The following RTF2 variants were observed in gnomAD, a reference collection of about 807,000 sequenced individuals.
RTF2 encodes the protein replication termination factor 2, also known as UPF0549 protein C20orf43.
Under a neutral mutation model 38.0 loss-of-function variants are expected in RTF2, and 18 were observed. The ratio of observed to expected loss-of-function variants is 0.47; its 90% CI spans 0.33 to 0.70. The LOEUF is 0.70. Among genes scored for constraint, RTF2 ranks in the 30% least tolerant of loss-of-function variants. The pLI, the probability that RTF2 is intolerant of heterozygous loss-of-function variation, is 0.02. For synonymous variants in RTF2, 126 were observed against 137.1 expected (o/e 0.92, Z 0.57); for missense variants, 311 against 379.6 (o/e 0.82, Z 1.50).
At position 56,496,787 on chromosome 20, in the gene RTF2, G is replaced by A. The variant is rs1983571035; in HGVS notation, c.477+12598G>A. On this transcript the variant is annotated intron_variant, in intron 5 of 8. Coordinates refer to ENST00000357348, the MANE Select transcript of RTF2 (RefSeq NM_016407.5). ...CATAGTAAGCACTTCCAAAATAAAT[G>A]GTTAAGTTATGGGGTGGTTTGTCTT... is the stretch of plus-strand genomic sequence containing the variant. 11 of 1,552,094 alleles carry A rather than the reference G, an allele frequency of 7.1e-6. No homozygotes were observed. The East Asian group carries it at 2.7e-4, about 38-fold the overall frequency.
At chr20:56,492,982 C>A (rs144253483) in intron 5 of RTF2, among the ~76,000 whole-genome samples, 2,804 of 152,032 alleles carry the variant, frequency 0.018, 50 homozygotes, top group Middle Eastern at 0.041. Flanking sequence ...TCAAGACCAT[C>A]CTGGCCAACA....
chr20:56,505,892 G>A (rs931043819), intron 5 of RTF2, among the ~76,000 whole-genome samples: 2 of 152,022 alleles, frequency 1.3e-5, no homozygotes, highest in Non-Finnish European at 2.9e-5. Flanking sequence ...AAGGACATAC[G>A]ATATAATTTA....
At chr20:56,497,732 A>T in intron 5 of RTF2, 1 of 577,202 alleles carries the variant, frequency 1.7e-6, no homozygotes, top group South Asian at 2.0e-5. Context: ...ATTGAAATAC[A>T]CTAAACTACA....
At chr20:56,473,023 C>A (rs1982051782) in intron 1 of RTF2, among the ~76,000 whole-genome samples, 1 of 152,052 alleles carries the variant, frequency 6.6e-6, no homozygotes, top group African/African-American at 2.4e-5. Context: ...CCCAGCTACT[C>A]CAGAGGCTGA....
chr20:56,486,704 C>A (rs1982812403), intron 5 of RTF2, among the ~76,000 whole-genome samples: 2 of 151,992 alleles, frequency 1.3e-5, no homozygotes, highest in South Asian at 4.2e-4. Context: ...TAAGCAGAAA[C>A]AATGGGTAGA....
rs1983598710 is a variant in RTF2, at chr20:56,497,150, A to G, written c.477+12961A>G. On this transcript the variant is annotated intron_variant, in intron 5 of 8. Transcript: ENST00000357348. Reference sequence around the variant, plus strand: ...CAAAACAGTTAACCAAGGTTTGCACAGCAGTCTTATACTTCATTGGGGCCT... The same window carrying G: ...CAAAACAGTTAACCAAGGTTTGCACGGCAGTCTTATACTTCATTGGGGCCT... 5 of 1,551,588 alleles carry G rather than the reference A, an allele frequency of 3.2e-6. No homozygotes were observed. In the African/African-American group the frequency reaches 4.1e-5, roughly 13 times the overall value.
chr20:56,491,689 C>T (rs1395120794), intron 5 of RTF2: 33 of 1,552,094 alleles, frequency 2.1e-5, no homozygotes, highest in Non-Finnish European at 2.7e-5. Context: ...GCGGGTCTGT[C>T]GAGGGTTCGA....
chr20:56,514,832 A>C (rs185030594), intron 6 of RTF2, among the ~76,000 whole-genome samples: 2 of 152,230 alleles, frequency 1.3e-5, no homozygotes, highest in East Asian at 3.9e-4. Context: ...GAGTAGAAAT[A>C]CTCCGTGGAG....
rs1292627418 is a variant in RTF2, at chr20:56,513,340, A to C, written c.503A>C (p.Asp168Ala). The part of the protein sequence containing the change: ...HTCGAAFQED[D>A]VIMLNGTKED... ...TGTGGGGCTGCCTTCCAGGAGGATG[A>C]TGTCATCATGCTCAATGGCACCAAG... The change falls in exon 6 of 9, where the codon GAT (aspartate) becomes GCT (alanine). Residue 168 changes from aspartate (D) to alanine (A), a missense_variant. Asp to Ala is a moderately radical substitution (Grantham distance 126). Transcript: ENST00000357348. 3 of 1,605,866 alleles carry C rather than the reference A, an allele frequency of 1.9e-6. No homozygotes were observed. In the Middle Eastern group the frequency reaches 5.0e-4, roughly 265 times the overall value.
chr20:56,496,962 T>C, intron 5 of RTF2: 1 of 1,551,756 alleles, frequency 6.4e-7, no homozygotes, highest in Middle Eastern at 1.7e-4. Flanking sequence ...GTGTATGATT[T>C]CTCTGTTGGT....
chr20:56,518,054 A>C, intron 8 of RTF2, 33 bp from the exon 9 acceptor site: 1 of 1,587,768 alleles, frequency 6.3e-7, no homozygotes, highest in East Asian at 2.2e-5. Flanking sequence ...TCTTTATCCC[A>C]ACCCTGACAG....
intron 5 of RTF2, among the ~76,000 whole-genome samples, chr20:56,487,860 T>A (rs879288149): frequency 2.0e-4 from 30 of 152,228 alleles, no homozygotes; most frequent in African/African-American, 6.3e-4. Context: ...CATGTCTGTC[T>A]TTGTGTCCAC....
At chr20:56,496,706 C>T (rs1231601082) in intron 5 of RTF2, 14 of 1,551,174 alleles carry the variant, frequency 9.0e-6, no homozygotes, top group South Asian at 1.2e-5. Context: ...ACCACTGAAG[C>T]ATGTCTTTTG....
chr20:56,477,989 C>T (rs989592179), intron 4 of RTF2, among the ~76,000 whole-genome samples: 2 of 152,180 alleles, frequency 1.3e-5, no homozygotes, highest in Non-Finnish European at 2.9e-5. Flanking sequence ...ATATTTTCCT[C>T]TTTAAAAAAT....
At chr20:56,481,885 A>G (rs900186220) in intron 4 of RTF2, among the ~76,000 whole-genome samples, 1 of 152,212 alleles carries the variant, frequency 6.6e-6, no homozygotes, top group Non-Finnish European at 1.5e-5. Context: ...GAATCATACA[A>G]TATGTAACCT....
intron 8 of RTF2, among the ~76,000 whole-genome samples, chr20:56,517,779 T>A (rs1482860987): frequency 6.6e-6 from 1 of 152,168 alleles, no homozygotes; most frequent in East Asian, 1.9e-4. Flanking sequence ...CGGCTCTACA[T>A]GGGACAGCCA....
chr20:56,480,429 T>A (rs1189398067), intron 4 of RTF2, among the ~76,000 whole-genome samples: 1 of 152,246 alleles, frequency 6.6e-6, no homozygotes, highest in Non-Finnish European at 1.5e-5. Flanking sequence ...TTTGATCTTC[T>A]GTCCAGGCCA....
intron 5 of RTF2, chr20:56,495,274 C>A: frequency 1.3e-6 from 2 of 1,551,516 alleles, no homozygotes; most frequent in Non-Finnish European, 1.7e-6. Flanking sequence ...TCCCAGCCAG[C>A]GTTTGGTGTA....
rs554780863 is a variant in RTF2, at chr20:56,480,823, GTTTACCATCT to G, written c.399-3286_399-3277del. 4.6e-3 allele frequency among the ~76,000 whole-genome samples: 696 copies of G among 152,284 alleles called. 3 individuals carry two copies. Among genetic ancestry groups the G allele is most frequent in the Non-Finnish European group, 7.6e-3 (517 of 68,024 alleles). ...CAAAACACACACATTTATTAATTGA[GTTTACCATCT>G]TATAAGAGTGTTGTTCCTGGCACCC... On this transcript the variant is annotated intron_variant, in intron 4 of 8. Coordinates refer to ENST00000357348, the MANE Select transcript of RTF2 (RefSeq NM_016407.5).
Sources: gnomAD v4.1 joint callset for allele counts (sites outside exome capture counted in the v4.1 genomes callset) on GRCh38, gnomAD v4.1.1 for gene constraint, MANE v1.5 for transcripts, NCBI Gene and HGNC (gene_info 2026-07-23, HGNC 2026-07-21) for gene names.